Variants in DNAJC3 observed in about 807,000 individuals in gnomAD.
DNAJC3 encodes the protein DnaJ heat shock protein family (Hsp40) member C3, also known as dnaJ homolog subfamily C member 3.
A neutral mutation model predicts 68.6 loss-of-function variants in DNAJC3; 38 were observed. That is an observed-to-expected ratio of 0.55 (90% confidence interval 0.43 to 0.73). The LOEUF is 0.73. DNAJC3 is among the 30% of genes least tolerant of loss of function. DNAJC3 has a pLI of 0.00. For synonymous variants in DNAJC3, 203 were observed against 204.0 expected (o/e 1.00, Z 0.04); for missense variants, 526 against 591.9 (o/e 0.89, Z 1.16).
intron 4 of DNAJC3, among the ~76,000 whole-genome samples, chr13:95,731,093 T>G (rs1484972897): frequency 6.6e-6 from 1 of 152,214 alleles, no homozygotes; most frequent in Non-Finnish European, 1.5e-5. Flanking sequence ...CTTCTTAGTT[T>G]AAGTGATTTC....
intron 2 of DNAJC3, among the ~76,000 whole-genome samples, chr13:95,722,470 T>G (rs1881352543): frequency 6.6e-6 from 1 of 152,064 alleles, no homozygotes; most frequent in African/African-American, 2.4e-5. Context: ...AATTGCATAC[T>G]TAACAAAAGT....
intron 9 of DNAJC3, among the ~76,000 whole-genome samples, chr13:95,784,985 A>G (rs1251251674): frequency 6.6e-6 from 1 of 152,182 alleles, no homozygotes; most frequent in African/African-American, 2.4e-5. Context: ...ATAAAATAAA[A>G]GATGTAATGT....
intron 4 of DNAJC3, among the ~76,000 whole-genome samples, chr13:95,733,249 A>C (rs1376347702): frequency 6.6e-6 from 1 of 152,080 alleles, no homozygotes; most frequent in African/African-American, 2.4e-5. Context: ...CCCCACTATT[A>C]TTATCTTGGA....
At chr13:95,737,864 G>C (rs1304163930) in intron 4 of DNAJC3, among the ~76,000 whole-genome samples, 22 of 117,134 alleles carry the variant, frequency 1.9e-4, no homozygotes, top group Non-Finnish European at 3.8e-4. Context: ...CCTTCTGCTA[G>C]CTTTTGAATG....
intron 9 of DNAJC3, among the ~76,000 whole-genome samples, chr13:95,776,913 G>T (rs1267965647): frequency 6.6e-6 from 1 of 152,140 alleles, no homozygotes; most frequent in Non-Finnish European, 1.5e-5. Flanking sequence ...TGTTTCGTCA[G>T]CTGTATCCCT....
At chr13:95,679,083 A>G (rs1320671407) in intron 1 of DNAJC3, among the ~76,000 whole-genome samples, 5 of 152,174 alleles carry the variant, frequency 3.3e-5, no homozygotes, top group African/African-American at 1.2e-4. Flanking sequence ...CTGAGGCTCC[A>G]AAGGTTTTAC....
intron 9 of DNAJC3, among the ~76,000 whole-genome samples, chr13:95,782,098 TC>T (rs1350989605): frequency 2.0e-5 from 3 of 152,224 alleles, no homozygotes; most frequent in Admixed American, 2.0e-4. Context: ...AACAATGGTT[TC>T]CAGCTTCATC....
chr13:95,691,378 C>A (rs567560426), intron 1 of DNAJC3, among the ~76,000 whole-genome samples: 2 of 143,294 alleles, frequency 1.4e-5, no homozygotes, highest in Middle Eastern at 4.2e-3. Flanking sequence ...ACTTCTCAGA[C>A]GGGGCGGCCG....
chr13:95,782,257 T>TAAACATAC, intron 9 of DNAJC3, among the ~76,000 whole-genome samples: 1 of 152,348 alleles, frequency 6.6e-6, no homozygotes, highest in East Asian at 1.9e-4. Flanking sequence ...AGTGCTGCAA[T>TAAACATAC]AAACATACCT....
In DNAJC3 at chr13:95,705,063, G is replaced by A. The variant is rs145570091; in HGVS notation, c.83-4164G>A. Among the ~76,000 whole-genome samples, 657 of 152,062 alleles carry A rather than the reference G, an allele frequency of 4.3e-3. 10 individuals are homozygous for A. The highest frequency in any genetic ancestry group is 0.015 in the African/African-American group (626 of 41,430). On this transcript the variant is annotated intron_variant, in intron 1 of 11. Transcript: ENST00000602402. ...GATGGGGTTTTGCCACGTTGGCCAG[G>A]CTAGTCTTGAATTCCTGACCTCAGG...
intron 10 of DNAJC3, among the ~76,000 whole-genome samples, chr13:95,786,746 T>C (rs1883613367): frequency 6.6e-6 from 1 of 152,198 alleles, no homozygotes; most frequent in African/African-American, 2.4e-5. Context: ...ATGTACCTTT[T>C]TTAAAAAAGG....
chr13:95,771,995 A>C (rs1463686622), intron 9 of DNAJC3, among the ~76,000 whole-genome samples: 2 of 152,216 alleles, frequency 1.3e-5, no homozygotes, highest in Non-Finnish European at 2.9e-5. Context: ...AGAAGTTGGC[A>C]GACTTTTCCT....
At chr13:95,696,486 G>A (rs908987492) in intron 1 of DNAJC3, among the ~76,000 whole-genome samples, 2 of 152,112 alleles carry the variant, frequency 1.3e-5, no homozygotes, top group Non-Finnish European at 2.9e-5. Flanking sequence ...AACCAGTTAC[G>A]GGAGCACTGT....
chr13:95,708,310 G>GCAA (rs949245490), intron 1 of DNAJC3, among the ~76,000 whole-genome samples: 3 of 152,278 alleles, frequency 2.0e-5, no homozygotes, highest in African/African-American at 7.2e-5. Flanking sequence ...GAGCGGAGAG[G>GCAA]CAACATATTG....
At chr13:95,778,488 A>G (rs1183485854) in intron 9 of DNAJC3, among the ~76,000 whole-genome samples, 2 of 152,268 alleles carry the variant, frequency 1.3e-5, no homozygotes, top group Non-Finnish European at 2.9e-5. Flanking sequence ...TACAAAAAAA[A>G]TGGAATATTA....
chr13:95,789,367 TCTC>T (rs1437876585), intron 11 of DNAJC3, among the ~76,000 whole-genome samples: 1 of 152,174 alleles, frequency 6.6e-6, no homozygotes, highest in Non-Finnish European at 1.5e-5. Context: ...ATCCATGAGT[TCTC>T]ATCATTTAGC....
At position 95,779,210 on chromosome 13, in the gene DNAJC3, C is replaced by T. The variant is rs544761376; in HGVS notation, c.1076-6729C>T. Among the ~76,000 whole-genome samples, 200 of 150,050 alleles carry T rather than the reference C, an allele frequency of 1.3e-3. 3 individuals carry two copies. Among genetic ancestry groups the T allele is most frequent in the Non-Finnish European group, 5.5e-4 (37 of 67,680 alleles). On this transcript the variant is annotated intron_variant, in intron 9 of 11. Transcript: ENST00000602402. ...CATGATTTCAGCTCAATGCAAGCTCCGCCTCCCGGGTTCACCCATTCTCCT... is the reference window on the plus strand; with the variant it reads ...CATGATTTCAGCTCAATGCAAGCTCTGCCTCCCGGGTTCACCCATTCTCCT...
intron 6 of DNAJC3, 89 bp downstream of exon 6, chr13:95,760,310 A>G: frequency 8.5e-7 from 1 of 1,174,938 alleles, no homozygotes; most frequent in Non-Finnish European, 1.1e-6. Flanking sequence ...ATATTAAATT[A>G]ATAAGATGAT....
At chr13:95,779,022 C>G (rs1418613559) in intron 9 of DNAJC3, among the ~76,000 whole-genome samples, 1 of 151,356 alleles carries the variant, frequency 6.6e-6, no homozygotes, top group Admixed American at 6.6e-5. Flanking sequence ...AATATTACCC[C>G]TATTTTATGA....
Sources: gnomAD v4.1 joint callset for allele counts (sites outside exome capture counted in the v4.1 genomes callset) on GRCh38, gnomAD v4.1.1 for gene constraint, MANE v1.5 for transcripts, NCBI Gene and HGNC (gene_info 2026-07-23, HGNC 2026-07-21) for gene names.